QRICH1: variants seen among roughly 807,000 people sequenced by gnomAD.
QRICH1 encodes transcriptional regulator QRICH1.
A neutral mutation model predicts 87.1 loss-of-function variants in QRICH1; 16 were observed. The ratio of observed to expected loss-of-function variants is 0.18; its 90% CI spans 0.12 to 0.28. QRICH1 has a LOEUF of 0.28. QRICH1 is among the 10% of genes least tolerant of loss of function. The pLI is 1.00. For synonymous variants in QRICH1, 367 were observed against 368.4 expected, an observed-to-expected ratio of 1.00 and a Z score of 0.05; for missense variants, 647 against 951.7, an observed-to-expected ratio of 0.68 and a Z score of 4.21.
At chr3:49,082,906 A>AG (rs1289064474) in intron 1 of QRICH1, among the ~76,000 whole-genome samples, 2 of 150,808 alleles carry the variant, frequency 1.3e-5, no homozygotes, top group Non-Finnish European at 1.5e-5. Flanking sequence ...AAAAAAAAAA[A>AG]AAAGAAAAAA....
rs200462688 is a variant in QRICH1 at position 49,056,914 on chromosome 3, T to C, written c.1286A>G (p.Glu429Gly). 171 of 1,614,114 alleles carry C rather than the reference T, an allele frequency of 1.1e-4. 1 individual carries two copies. The highest frequency in any genetic ancestry group is 1.7e-6 in the Non-Finnish European group (2 of 1,179,994). ...QQQPQQQTPQEQTPPPQQQQQ... is the reference protein window; with the variant it reads ...QQQPQQQTPQGQTPPPQQQQQ... ...CTGCTGCTGTGGTGGTGGTGTCTGT[T>C]CCTGGGGAGTTTGCTGCTGCGGCTG... The change falls in exon 3 of 10, where the codon GAA (glutamate) becomes GGA (glycine). Residue 429 changes from glutamate to glycine, a missense_variant. Glu to Gly is a moderately conservative substitution (Grantham distance 98, BLOSUM62 -2). Coordinates refer to ENST00000395443, the MANE Select transcript of QRICH1 (RefSeq NM_198880.3).
At position 49,047,208 on chromosome 3, in the gene QRICH1, T is replaced by C; in HGVS notation, c.1377A>G (p.Ser459=). Reference sequence around the variant, plus strand: ...GAAGTTCTGGGGAAGGCTGTGGCTGTGACTGTGGTTCAACTTCAGCAACCT... The same window carrying C: ...GAAGTTCTGGGGAAGGCTGTGGCTGCGACTGTGGTTCAACTTCAGCAACCT... The part of the protein sequence containing the change: ...TVQVAEVEPQ[S]QPQPSPELLL... Residue 459 remains serine, a synonymous_variant, in exon 4 of 10, where the codon TCA becomes TCG. Transcript: ENST00000395443. 1 of 1,614,160 alleles carries C rather than the reference T, an allele frequency of 6.2e-7. No individual in the cohort carries two copies. Among genetic ancestry groups the C allele is most frequent in the South Asian group, 1.1e-5 (1 of 91,082 alleles).
intron 1 of QRICH1, among the ~76,000 whole-genome samples, chr3:49,085,223 A>T (rs993382529): frequency 6.6e-6 from 1 of 152,018 alleles, no homozygotes; most frequent in African/African-American, 2.4e-5. Flanking sequence ...TGATCATAGT[A>T]TGATTTTCTT....
chr3:49,068,698 G>T (rs1196055161), intron 2 of QRICH1, among the ~76,000 whole-genome samples: 2 of 151,130 alleles, frequency 1.3e-5, no homozygotes, highest in Non-Finnish European at 3.0e-5. Context: ...GCACGATCTC[G>T]GCTCACTGCA....
rs548350964 is a variant in QRICH1 at position 49,033,339 on chromosome 3, G to A, written c.1787-111C>T. ...CACACAGGAGTATAAATTTCATCAGGGGACTCTCCCTAAAGTGTGGCAAAA... is the reference window on the plus strand; with the variant it reads ...CACACAGGAGTATAAATTTCATCAGAGGACTCTCCCTAAAGTGTGGCAAAA... On this transcript the variant is annotated intron_variant, in intron 6 of 9. Coordinates refer to ENST00000395443, the MANE Select transcript of QRICH1 (RefSeq NM_198880.3). The A allele has an allele frequency of 3.1e-5, 18 of 578,396 alleles. No individual in the cohort carries two copies. In the African/African-American group the frequency reaches 3.3e-4, roughly 11 times the overall value. 35.8% of individuals were successfully genotyped at this position (578,396 alleles called of 1,614,324 possible).
Position 49,065,445 on chromosome 3 carries a change from C to T in QRICH1, c.310-7555G>A, listed in dbSNP as rs575005502. Among the ~76,000 whole-genome samples the T allele has an allele frequency of 2.6e-5, 4 of 152,264 alleles. No homozygotes were observed. In the East Asian group the frequency reaches 7.7e-4, roughly 29 times the overall value. The stretch of plus-strand genomic sequence containing the variant: ...ACAGGCGTAAGCCACTGCGCCTGAC[C>T]CATTTTTGCAAACCTATTTAATGGC... On this transcript the variant is annotated intron_variant, in intron 2 of 9. Coordinates refer to ENST00000395443, the MANE Select transcript of QRICH1 (RefSeq NM_198880.3).
chr3:49,032,442 G>GT, intron 8 of QRICH1, 169 bp from the exon 9 acceptor site: 1 of 888,482 alleles, frequency 1.1e-6, no homozygotes, highest in South Asian at 1.7e-5. Flanking sequence ...CAGCTATTCT[G>GT]TCTGGGGCTT....
chr3:49,082,756 G>A (rs1276710149), intron 1 of QRICH1, among the ~76,000 whole-genome samples: 1 of 151,728 alleles, frequency 6.6e-6, no homozygotes. Context: ...TTACCCTGGC[G>A]TGGTGGCAGG....
intron 6 of QRICH1, among the ~76,000 whole-genome samples, chr3:49,039,854 G>A (rs1422292832): frequency 1.3e-5 from 2 of 152,142 alleles, no homozygotes; most frequent in African/African-American, 4.8e-5. Context: ...TAGGTCAGGA[G>A]TTTGAGACCA....
chr3:49,076,349 C>T (rs578079552), intron 2 of QRICH1, among the ~76,000 whole-genome samples: 1 of 152,170 alleles, frequency 6.6e-6, no homozygotes, highest in Non-Finnish European at 1.5e-5. Context: ...GCCCCTCATC[C>T]TGGGAAAAGG....
intron 2 of QRICH1, among the ~76,000 whole-genome samples, chr3:49,061,751 T>G (rs748616574): frequency 2.8e-4 from 43 of 151,132 alleles, no homozygotes; most frequent in Non-Finnish European, 5.3e-4. Context: ...ACTTGGGAGG[T>G]TGAGGCAGGT....
chr3:49,035,536 C>T (rs2093269233), intron 6 of QRICH1, among the ~76,000 whole-genome samples: 1 of 151,936 alleles, frequency 6.6e-6, no homozygotes, highest in African/African-American at 2.4e-5. Flanking sequence ...GGTGTGGTTA[C>T]TCATGTCTAT....
At chr3:49,064,468 G>A (rs1174407569) in intron 2 of QRICH1, among the ~76,000 whole-genome samples, 1 of 151,646 alleles carries the variant, frequency 6.6e-6, no homozygotes, top group East Asian at 2.0e-4. Flanking sequence ...GGCCAACCTG[G>A]TCTTGAACTC....
chr3:49,084,977 C>T (rs2107026408), intron 1 of QRICH1, among the ~76,000 whole-genome samples: 2 of 150,866 alleles, frequency 1.3e-5, no homozygotes, highest in East Asian at 4.0e-4. Context: ...CCCGTCTCTA[C>T]TAAAAATACA....
intron 5 of QRICH1, 56 bp from the exon 6 acceptor site, chr3:49,044,560 G>T: frequency 7.9e-7 from 1 of 1,264,224 alleles, no homozygotes; most frequent in South Asian, 1.3e-5. Context: ...AAGGATTTCA[G>T]GGGAAATAAA....
intron 2 of QRICH1, among the ~76,000 whole-genome samples, chr3:49,059,293 T>C (rs1420766889): frequency 6.6e-6 from 1 of 151,660 alleles, no homozygotes; most frequent in East Asian, 1.9e-4. Context: ...AGGGTCTTGC[T>C]CTGTTGCCCA....
intron 3 of QRICH1, among the ~76,000 whole-genome samples, chr3:49,049,003 A>G (rs1325909241): frequency 6.6e-6 from 1 of 151,038 alleles, no homozygotes; most frequent in African/African-American, 2.4e-5. Context: ...CCAGGTTCAA[A>G]CGATTCTCCT....
At chr3:49,030,848 C>T (rs2093232784) in intron 9 of QRICH1, among the ~76,000 whole-genome samples, 1 of 152,118 alleles carries the variant, frequency 6.6e-6, no homozygotes, top group Admixed American at 6.5e-5. Flanking sequence ...GGTTACTTCC[C>T]CTCTGCCCCT....
intron 1 of QRICH1, among the ~76,000 whole-genome samples, chr3:49,086,605 A>G (rs938523947): frequency 6.6e-6 from 1 of 152,048 alleles, no homozygotes; most frequent in Non-Finnish European, 1.5e-5. Context: ...GCAATTCTTC[A>G]CTACATGAGT....
Sources: allele counts gnomAD v4.1 joint callset (sites outside exome capture counted in the v4.1 genomes callset), GRCh38; gene constraint gnomAD v4.1.1; transcripts MANE v1.5; gene names NCBI Gene and HGNC (gene_info 2026-07-23, HGNC 2026-07-21).